The following SMOC2 variants were observed in gnomAD, a reference collection of about 807,000 sequenced individuals.
SMOC2 encodes SPARC related modular calcium binding 2.
In SMOC2, 39 loss-of-function variants were observed where a neutral mutation model predicts 61.4. The observed-to-expected ratio is 0.64, with a 90% CI of 0.49 to 0.83. The LOEUF is 0.83. Ranked by LOEUF, SMOC2 falls within the 40% of genes least tolerant of loss-of-function variation. The probability of loss-of-function intolerance (pLI) is 0.00; values close to 1 mark genes in which losing one functional copy is unlikely to be tolerated. For synonymous variants in SMOC2, 247 were observed against 239.9 expected, an observed-to-expected ratio of 1.03 and a Z score of -0.27; for missense variants, 556 against 592.9, an observed-to-expected ratio of 0.94 and a Z score of 0.65.
chr6:168,533,810 G>A (rs1462258690), intron 4 of SMOC2, among the ~76,000 whole-genome samples: 7 of 152,204 alleles, frequency 4.6e-5, no homozygotes, highest in African/African-American at 1.7e-4. Context: ...AAAAGAAAAT[G>A]TAAAAACAAA....
At chr6:168,491,226 G>T (rs1310499483) in intron 1 of SMOC2, among the ~76,000 whole-genome samples, 2 of 152,174 alleles carry the variant, frequency 1.3e-5, no homozygotes, top group South Asian at 2.1e-4. Flanking sequence ...GGAAGCTGGA[G>T]AATTTGAACT....
At chr6:168,664,554 T>C (rs1027100636) in intron 12 of SMOC2, 1 of 383,552 alleles carries the variant, frequency 2.6e-6, no homozygotes, top group East Asian at 7.3e-5. Flanking sequence ...GTAATTTGGT[T>C]CCTCCATTTT....
intron 9 of SMOC2, among the ~76,000 whole-genome samples, chr6:168,630,902 G>A (rs115967446): frequency 0.019 from 2,966 of 152,162 alleles, 105 homozygotes; most frequent in African/African-American, 0.068. Flanking sequence ...TTGATCAGAC[G>A]GTCTGCTCTC....
At chr6:168,526,715 C>T (rs1783463228) in intron 3 of SMOC2, among the ~76,000 whole-genome samples, 1 of 152,194 alleles carries the variant, frequency 6.6e-6, no homozygotes, top group African/African-American at 2.4e-5. Context: ...ACTTTCATTA[C>T]TATGAATTTA....
At chr6:168,502,552 A>G (rs2609333) in intron 1 of SMOC2, among the ~76,000 whole-genome samples, 78,602 of 151,972 alleles carry the variant, frequency 0.52, 20,969 homozygotes, top group East Asian at 0.75. Context: ...GGTCCTATGG[A>G]TACCCAGTAA....
intron 9 of SMOC2, among the ~76,000 whole-genome samples, chr6:168,636,582 G>A (rs1425916398): frequency 6.6e-6 from 1 of 152,154 alleles, no homozygotes; most frequent in Admixed American, 6.5e-5. Flanking sequence ...AGGCACACGG[G>A]GACTCCCCAC....
intron 7 of SMOC2, among the ~76,000 whole-genome samples, chr6:168,578,814 A>G (rs948307999): frequency 2.0e-5 from 3 of 152,228 alleles, no homozygotes; most frequent in Non-Finnish European, 4.4e-5. Flanking sequence ...TTGGGGCATG[A>G]CAGTCCAGGG....
At chr6:168,632,394 C>T (rs1238524980) in intron 9 of SMOC2, among the ~76,000 whole-genome samples, 1 of 152,188 alleles carries the variant, frequency 6.6e-6, no homozygotes, top group Non-Finnish European at 1.5e-5. Flanking sequence ...AGTACAAAAC[C>T]AGAAACCGTG....
At chr6:168,630,095 G>C (rs1208557179) in intron 9 of SMOC2, among the ~76,000 whole-genome samples, 4 of 152,070 alleles carry the variant, frequency 2.6e-5, no homozygotes, top group Admixed American at 2.6e-4. Context: ...GCAGCGTCTC[G>C]TTCATCTCCA....
chr6:168,530,637 A>ACCCCCCCCCCCCCCC (rs3064057), intron 4 of SMOC2, among the ~76,000 whole-genome samples: 27 of 120,254 alleles, frequency 2.2e-4, no homozygotes, highest in African/African-American at 7.8e-4. Flanking sequence ...TCACGGTGCA[A>ACCCCCCCCCCCCCCC]CCCCCCCCCC....
At chr6:168,490,684 A>G (rs142033356) in intron 1 of SMOC2, among the ~76,000 whole-genome samples, 1 of 152,326 alleles carries the variant, frequency 6.6e-6, no homozygotes, top group Non-Finnish European at 1.5e-5. Flanking sequence ...TAGAGACAGC[A>G]GGTCAGTGCA....
chr6:168,604,976 A>G (rs1302029046), intron 8 of SMOC2, among the ~76,000 whole-genome samples: 1 of 152,142 alleles, frequency 6.6e-6, no homozygotes, highest in Non-Finnish European at 1.5e-5. Flanking sequence ...AGATCCCGGA[A>G]GGAGGGGTCC....
At chr6:168,499,967 C>A (rs958646080) in intron 1 of SMOC2, among the ~76,000 whole-genome samples, 1 of 152,148 alleles carries the variant, frequency 6.6e-6, no homozygotes, top group Non-Finnish European at 1.5e-5. Context: ...AATGCCTGGC[C>A]CGGGTGCTCA....
chr6:168,535,600 A>G lies in SMOC2; in HGVS notation c.463+7873A>G, dbSNP rs990181441. Among the ~76,000 whole-genome samples, 1 of 152,204 alleles carries G rather than the reference A, an allele frequency of 6.6e-6. No individual in the cohort carries two copies. Among genetic ancestry groups the G allele is most frequent in the African/African-American group, 2.4e-5 (1 of 41,452 alleles). On this transcript the variant is annotated intron_variant, in intron 4 of 12. Coordinates refer to ENST00000356284, the MANE Select transcript of SMOC2 (RefSeq NM_001166412.2). The surrounding 1 kb of genome is among the most constrained non-coding windows in gnomAD (Gnocchi z 4.6). ...CACTAGGATAGAAAAAGACCCACGA[A>G]GCATAAAAGCCGGTGCCACAAAGTC... is the stretch of plus-strand genomic sequence containing the variant.
intron 4 of SMOC2, among the ~76,000 whole-genome samples, 168 bp downstream of exon 4, chr6:168,527,895 G>A (rs1783493343): frequency 6.6e-6 from 1 of 152,232 alleles, no homozygotes; most frequent in African/African-American, 2.4e-5. Context: ...CTACATTTTA[G>A]GGAGCCCTTG....
intron 11 of SMOC2, among the ~76,000 whole-genome samples, chr6:168,656,845 T>C (rs2115281569): frequency 6.6e-6 from 1 of 152,376 alleles, no homozygotes; most frequent in South Asian, 2.1e-4. Context: ...TTAATGCACG[T>C]CCTGCCGTCC....
intron 9 of SMOC2, among the ~76,000 whole-genome samples, chr6:168,615,194 C>T (rs1786038568): frequency 1.2e-5 from 1 of 80,958 alleles, no homozygotes; most frequent in Non-Finnish European, 2.5e-5. Context: ...CACCTACAGC[C>T]AGCACAGGGC....
chr6:168,643,692 T>G (rs767499656), intron 9 of SMOC2, among the ~76,000 whole-genome samples: 5 of 152,192 alleles, frequency 3.3e-5, no homozygotes, highest in Non-Finnish European at 4.4e-5. Context: ...CAAAATCACC[T>G]GGACGTAGGA....
At chr6:168,666,250 A>G (rs1433423106) in intron 12 of SMOC2, among the ~76,000 whole-genome samples, 171 bp from the exon 13 acceptor site, 1 of 152,140 alleles carries the variant, frequency 6.6e-6, no homozygotes, top group Non-Finnish European at 1.5e-5. Context: ...ACTGTTAAGA[A>G]GTTACCAGTG....
Sources: gnomAD v4.1 joint callset for allele counts (sites outside exome capture counted in the v4.1 genomes callset) on GRCh38, gnomAD v4.1.1 for gene constraint, Gnocchi (gnomAD v3.1) non-coding constraint, MANE v1.5 for transcripts, NCBI Gene and HGNC (gene_info 2026-07-23, HGNC 2026-07-21) for gene names.